The following CPEB1 variants were observed in gnomAD, a reference collection of about 807,000 sequenced individuals.
CPEB1 encodes the protein cytoplasmic polyadenylation element-binding protein 1.
Under a neutral mutation model 65.8 loss-of-function variants are expected in CPEB1, and 7 were observed. The observed-to-expected ratio is 0.11, with a 90% CI of 0.06 to 0.20. The LOEUF (loss-of-function observed/expected upper bound fraction) is 0.20. Ranked by LOEUF, CPEB1 falls within the 10% of genes least tolerant of loss-of-function variation. The pLI is 1.00. For missense variants in CPEB1, 551 were observed against 712.2 expected (o/e 0.77, Z 2.58); for synonymous variants, 262 against 260.0 (o/e 1.01, Z -0.08).
chr15:82,647,984 G>C (rs1431998742), upstream of CPEB1: 2 of 841,764 alleles, frequency 2.4e-6, no homozygotes, highest in Non-Finnish European at 3.1e-6. Context: ...CCCGCACCCC[G>C]GCAGCTTATG....
rs573561531 is a variant in CPEB1 at position 82,591,151 on chromosome 15, CT to C, written c.272-19620del. On this transcript the variant is annotated intron_variant, in intron 3 of 12. Coordinates refer to ENST00000684509, the MANE Select transcript of CPEB1 (RefSeq NM_001365242.1). ...CCCACCAACAGTGTGTAAGCGTTCC[CT>C]TTTCCCCCCCGCCACAATCTTACCA... Among the ~76,000 whole-genome samples the C allele has an allele frequency of 9.3e-4, 142 of 152,226 alleles. 1 individual carries two copies. The highest frequency in any genetic ancestry group is 3.2e-3 in the African/African-American group (135 of 41,542).
intron 3 of CPEB1, among the ~76,000 whole-genome samples, chr15:82,625,619 C>T (rs2151310686): frequency 2.0e-5 from 3 of 152,274 alleles, no homozygotes; most frequent in Middle Eastern, 6.8e-3. Flanking sequence ...GTCAGCCCTC[C>T]ATACGTGTGG....
chr15:82,544,308 C>G lies in CPEB1; in HGVS notation c.*284G>C. Reference sequence around the variant, plus strand: ...TTTTTTTTTTTTCCCCGCTTTTCATCTGCAAAATGAGGAACTAAAATCTGG... The same window carrying G: ...TTTTTTTTTTTTCCCCGCTTTTCATGTGCAAAATGAGGAACTAAAATCTGG... On this transcript the variant is annotated 3_prime_UTR_variant, in exon 13 of 13. Coordinates refer to ENST00000684509, the MANE Select transcript of CPEB1 (RefSeq NM_001365242.1). The G allele has an allele frequency of 1.8e-5, 3 of 165,712 alleles. No homozygotes were observed. The highest frequency in any genetic ancestry group is 1.2e-4 in the East Asian group (1 of 8,144). The allele number at this position is 165,712 out of a possible 1,614,324, so 10.3% of individuals were successfully genotyped here.
intron 1 of CPEB1, among the ~76,000 whole-genome samples, chr15:82,640,367 T>C (rs2047008893): frequency 1.3e-5 from 2 of 152,186 alleles, no homozygotes; most frequent in South Asian, 2.1e-4. Flanking sequence ...TATGTGCTCA[T>C]TTCTCTTGCA....
intron 3 of CPEB1, among the ~76,000 whole-genome samples, chr15:82,613,542 C>T (rs1357901079): frequency 1.3e-5 from 2 of 152,070 alleles, no homozygotes; most frequent in Non-Finnish European, 2.9e-5. Flanking sequence ...CGTGCCACCA[C>T]ACCCGGCTTT....
At chr15:82,553,739 C>A in intron 7 of CPEB1, 139 bp downstream of exon 7, 1 of 754,222 alleles carries the variant, frequency 1.3e-6, no homozygotes, top group Admixed American at 2.4e-5. Context: ...CTATGAAATG[C>A]ACCTCTCCCC....
chr15:82,584,030 C>G (rs914253806), intron 3 of CPEB1, among the ~76,000 whole-genome samples: 1 of 149,862 alleles, frequency 6.7e-6, no homozygotes, highest in African/African-American at 2.5e-5. Context: ...GAGGTCGAGG[C>G]AGGTGGATCA....
intron 3 of CPEB1, among the ~76,000 whole-genome samples, chr15:82,577,975 A>T (rs981496069): frequency 6.6e-6 from 1 of 151,906 alleles, no homozygotes; most frequent in Admixed American, 6.6e-5. Context: ...CCCGTCTCTA[A>T]TAAAAATACA....
chr15:82,640,178 C>T (rs1329868334), intron 1 of CPEB1, among the ~76,000 whole-genome samples: 3 of 152,200 alleles, frequency 2.0e-5, no homozygotes, highest in Middle Eastern at 3.4e-3. Flanking sequence ...TTTTTAGGGA[C>T]AGGGTCTGGA....
At chr15:82,575,914 T>C (rs545430470) in intron 3 of CPEB1, among the ~76,000 whole-genome samples, 5 of 152,294 alleles carry the variant, frequency 3.3e-5, no homozygotes, top group African/African-American at 1.2e-4. Context: ...CTTTGAAAAA[T>C]GGTCTGCCCA....
At chr15:82,554,085 C>T in intron 6 of CPEB1, 94 bp from the exon 7 acceptor site, 1 of 692,636 alleles carries the variant, frequency 1.4e-6, no homozygotes, top group Non-Finnish European at 2.4e-6. Flanking sequence ...AAGAACCTGA[C>T]TGGCCACAAT....
chr15:82,647,729 C>A (rs920959313), upstream of CPEB1: 8 of 871,392 alleles, frequency 9.2e-6, no homozygotes, highest in African/African-American at 1.8e-5. Context: ...GACCGCGCCC[C>A]GCCCGGGACT....
intron 3 of CPEB1, among the ~76,000 whole-genome samples, chr15:82,608,394 G>A (rs1053771595): frequency 6.6e-6 from 1 of 152,172 alleles, no homozygotes; most frequent in Admixed American, 6.5e-5. Context: ...AAAAGGTCAA[G>A]TAATGACAAT....
intron 10 of CPEB1, among the ~76,000 whole-genome samples, chr15:82,547,633 A>AC (rs1319120533): frequency 2.6e-5 from 4 of 151,674 alleles, no homozygotes; most frequent in African/African-American, 9.7e-5. Context: ...CCTTTACGAT[A>AC]CTAGTGCTGT....
intron 1 of CPEB1, chr15:82,640,823 G>A (rs1248638022): frequency 6.6e-6 from 1 of 151,940 alleles, no homozygotes; most frequent in African/African-American, 2.4e-5. Context: ...GATCCAACAG[G>A]GTTGAACTGT....
intron 3 of CPEB1, among the ~76,000 whole-genome samples, chr15:82,578,036 A>G (rs1211362072): frequency 6.6e-6 from 1 of 152,120 alleles, no homozygotes; most frequent in South Asian, 2.1e-4. Context: ...GCTAATCGGG[A>G]GGCTGAGGCA....
chr15:82,642,815 AAAT>A (rs2047214933), intron 1 of CPEB1, among the ~76,000 whole-genome samples: 1 of 152,224 alleles, frequency 6.6e-6, no homozygotes, highest in Non-Finnish European at 1.5e-5. Context: ...ATAGCAGAGA[AAAT>A]AATTTGTTAT....
rs1244002885 is a variant in CPEB1, at chr15:82,607,790, T to C, written c.271+19403A>G. Reference sequence around the variant, plus strand: ...AATCTATCAAAAAAAATTTAACAATTATAAACACCAATGAACCTAACACAG... The same window carrying C: ...AATCTATCAAAAAAAATTTAACAATCATAAACACCAATGAACCTAACACAG... On this transcript the variant is annotated intron_variant, in intron 3 of 12. Coordinates refer to ENST00000684509, the MANE Select transcript of CPEB1 (RefSeq NM_001365242.1). 7.9e-5 allele frequency among the ~76,000 whole-genome samples: 12 copies of C among 152,186 alleles called. No individual in the cohort carries two copies. The East Asian group carries it at 2.3e-3, about 29-fold the overall frequency.
chr15:82,595,285 C>G (rs1478007247), intron 3 of CPEB1, among the ~76,000 whole-genome samples: 5 of 152,174 alleles, frequency 3.3e-5, no homozygotes, highest in Non-Finnish European at 7.3e-5. Flanking sequence ...CAAATGCCCA[C>G]CTATAAGTTT....
Sources: allele counts gnomAD v4.1 joint callset (sites outside exome capture counted in the v4.1 genomes callset), GRCh38; gene constraint gnomAD v4.1.1; transcripts MANE v1.5; gene names NCBI Gene and HGNC (gene_info 2026-07-23, HGNC 2026-07-21).